Variants in CORIN observed in about 807,000 individuals in gnomAD.
CORIN encodes the protein corin, serine peptidase, also known as atrial natriuretic peptide-converting enzyme.
Under a neutral mutation model 125.3 loss-of-function variants are expected in CORIN, and 117 were observed. The ratio of observed to expected loss-of-function variants is 0.93; its 90% CI spans 0.80 to 1.09. The LOEUF (loss-of-function observed/expected upper bound fraction) is 1.09, where lower values mean the gene tolerates loss of function less well. CORIN is among the 50% of genes least tolerant of loss of function. The pLI is 0.00. For synonymous variants in CORIN, 450 were observed against 466.4 expected, an observed-to-expected ratio of 0.96 and a Z score of 0.45; for missense variants, 1,253 against 1,306.7, an observed-to-expected ratio of 0.96 and a Z score of 0.63.
chr4:47,623,910 C>A lies in CORIN; in HGVS notation c.2354G>T (p.Cys785Phe). 1 of 1,613,848 alleles carries A rather than the reference C, an allele frequency of 6.2e-7. No individual in the cohort carries two copies. The highest frequency in any genetic ancestry group is 1.3e-5 in the African/African-American group (1 of 75,048). The change falls in exon 18 of 22, where the codon TGT becomes TTT. Residue 785 changes from cysteine to phenylalanine, a missense_variant. Transcript: ENST00000273857. ...TCTAATTCTCTCACCTTGTTTAGTA[C>A]ACAGAAGAGAAATTTTACTTCTGCT... ...CESRSKISLL[C>F]TKQDCGRRPA... is the part of the protein sequence containing the mutation.
chr4:47,635,074 A>C (rs1722969800), intron 16 of CORIN, among the ~76,000 whole-genome samples: 3 of 152,234 alleles, frequency 2.0e-5, no homozygotes, highest in Non-Finnish European at 4.4e-5. Flanking sequence ...CATGTTTATT[A>C]ATGATACAAT....
intron 12 of CORIN, among the ~76,000 whole-genome samples, chr4:47,656,382 C>A (rs1723980886): frequency 6.6e-6 from 1 of 152,028 alleles, no homozygotes; most frequent in Admixed American, 6.6e-5. Flanking sequence ...TCTTGAACTC[C>A]CAACCTCAGG....
chr4:47,706,766 G>A (rs1259834505), intron 5 of CORIN: 1 of 1,599,312 alleles, frequency 6.3e-7, no homozygotes, highest in African/African-American at 1.3e-5. Context: ...ATTTTTTGAG[G>A]TTATCCTCAT....
At chr4:47,821,169 A>T (rs1732493816) in intron 1 of CORIN, among the ~76,000 whole-genome samples, 1 of 152,016 alleles carries the variant, frequency 6.6e-6, no homozygotes, top group South Asian at 2.1e-4. Flanking sequence ...CGGGAGGCAG[A>T]GGTTTCAGTG....
intron 16 of CORIN, among the ~76,000 whole-genome samples, chr4:47,634,104 T>C (rs1722938436): frequency 6.6e-6 from 1 of 152,222 alleles, no homozygotes. Context: ...AATTGATTAC[T>C]AAAGAGATGT....
At chr4:47,605,523 G>A (rs1023668587) in intron 19 of CORIN, among the ~76,000 whole-genome samples, 6 of 152,132 alleles carry the variant, frequency 3.9e-5, no homozygotes, top group Non-Finnish European at 8.8e-5. Flanking sequence ...ACATTGTTGG[G>A]GCAAGGGTAG....
intron 1 of CORIN, among the ~76,000 whole-genome samples, chr4:47,830,228 T>G (rs186416513): frequency 8.8e-4 from 131 of 148,200 alleles, no homozygotes; most frequent in Non-Finnish European, 1.6e-3. Flanking sequence ...ATGGTGTTTG[T>G]TTTTTTTTTG....
chr4:47,652,835 A>T (rs1317225584), intron 13 of CORIN: 1 of 152,258 alleles, frequency 6.6e-6, no homozygotes, highest in Non-Finnish European at 1.5e-5. Context: ...GCCTTCATGC[A>T]TCTAGATGTC....
At chr4:47,728,604 G>T (rs527881093) in intron 5 of CORIN, among the ~76,000 whole-genome samples, 59 of 152,318 alleles carry the variant, frequency 3.9e-4, no homozygotes, top group African/African-American at 1.3e-3. Context: ...ACTCAGGGAT[G>T]TGCACTTATG....
intron 5 of CORIN, among the ~76,000 whole-genome samples, chr4:47,715,948 C>T (rs1193358376): frequency 2.0e-5 from 3 of 152,176 alleles, no homozygotes. Flanking sequence ...CTAAACTTTG[C>T]ATCTGTTTGG....
At chr4:47,829,285 T>C (rs1732875514) in intron 1 of CORIN, among the ~76,000 whole-genome samples, 1 of 152,086 alleles carries the variant, frequency 6.6e-6, no homozygotes, top group Non-Finnish European at 1.5e-5. Flanking sequence ...AATTTATCTG[T>C]TTCTTTTTGC....
At chr4:47,700,133 C>T (rs1473406451) in intron 5 of CORIN, among the ~76,000 whole-genome samples, 1 of 152,152 alleles carries the variant, frequency 6.6e-6, no homozygotes, top group African/African-American at 2.4e-5. Context: ...AGTTTGAAAA[C>T]TCCTTCACCC....
chr4:47,790,330 G>T, intron 2 of CORIN: 1 of 264,894 alleles, frequency 3.8e-6, no homozygotes, highest in Non-Finnish European at 5.8e-6. Flanking sequence ...GGAGCCTCAG[G>T]AGGTTCACAC....
chr4:47,765,040 G>T (rs1433126563), intron 3 of CORIN, among the ~76,000 whole-genome samples: 1 of 152,034 alleles, frequency 6.6e-6, no homozygotes, highest in African/African-American at 2.4e-5. Context: ...GGCCGGGTGC[G>T]GTGGCTCACT....
chr4:47,640,484 T>C (rs1214467240), intron 16 of CORIN, among the ~76,000 whole-genome samples: 6 of 152,184 alleles, frequency 3.9e-5, no homozygotes, highest in Non-Finnish European at 8.8e-5. Flanking sequence ...GTCCAGTGGG[T>C]ACGAGAAAAT....
At chr4:47,631,914 T>C (rs1306993348) in intron 16 of CORIN, among the ~76,000 whole-genome samples, 1 of 152,184 alleles carries the variant, frequency 6.6e-6, no homozygotes, top group Non-Finnish European at 1.5e-5. Flanking sequence ...CATACAAATA[T>C]ATCACTTTTC....
intron 19 of CORIN, among the ~76,000 whole-genome samples, chr4:47,611,861 T>A (rs1450121421): frequency 6.6e-6 from 1 of 152,194 alleles, no homozygotes; most frequent in Non-Finnish European, 1.5e-5. Flanking sequence ...TCATGTGGTT[T>A]TCGCCTAGTT....
rs188153513 is a variant in CORIN at position 47,736,408 on chromosome 4, T to C, written c.799+7994A>G. Among the ~76,000 whole-genome samples the C allele has an allele frequency of 2.8e-3, 429 of 152,318 alleles. 4 individuals carry two copies. Among genetic ancestry groups the C allele is most frequent in the African/African-American group, 9.4e-3 (392 of 41,578 alleles). ...CAAGAAACATCTGTTGGAAGGCATC[T>C]GAGAGCTGATGAGATAATTAAGATG... On this transcript the variant is annotated intron_variant, in intron 5 of 21. Transcript: ENST00000273857.
chr4:47,680,075 C>T, intron 8 of CORIN, 66 bp downstream of exon 8: 1 of 1,013,038 alleles, frequency 9.9e-7, no homozygotes, highest in Non-Finnish European at 1.5e-6. Context: ...AGTCCTCAAC[C>T]TTGAGTACAG....
Sources: gnomAD v4.1 joint callset for allele counts (sites outside exome capture counted in the v4.1 genomes callset) on GRCh38, gnomAD v4.1.1 for gene constraint, MANE v1.5 for transcripts, NCBI Gene and HGNC (gene_info 2026-07-23, HGNC 2026-07-21) for gene names.